Variants in DDX21 observed in about 807,000 individuals in gnomAD.
The protein encoded by DDX21 is DExD-box helicase 21.
In DDX21, 18 loss-of-function variants were observed where a neutral mutation model predicts 90.0. The observed-to-expected ratio is 0.20, with a 90% confidence interval of 0.14 to 0.30. DDX21 has a LOEUF of 0.30. Among genes scored for constraint, DDX21 ranks in the 10% least tolerant of loss-of-function variants. The pLI is 1.00. For synonymous variants in DDX21, 294 were observed against 318.0 expected (o/e 0.92, Z 0.80); for missense variants, 673 against 944.5 (o/e 0.71, Z 3.77).
chr10:68,963,465 C>T lies in DDX21; in HGVS notation c.782C>T (p.Pro261Leu), dbSNP rs1842899234. 5 of 1,609,890 alleles carry T rather than the reference C, an allele frequency of 3.1e-6. No homozygotes were observed. The highest frequency in any genetic ancestry group is 4.2e-6 in the Non-Finnish European group (5 of 1,178,012). ...CAAGACAGGAAGAGAGGCCGTGCCC[C>T]TCAGGTAACTGTCTTAAATACAAGG... ...ELQDRKRGRA[P>L]QVLVLAPTRE... The change falls in exon 4 of 15, where the codon CCT (proline) becomes CTT (leucine). Residue 261 changes from proline to leucine, a missense_variant. Pro to Leu is a moderately conservative substitution (Grantham distance 98, BLOSUM62 -3). Transcript: ENST00000354185.
At chr10:68,956,473 GC>G (rs1398512675) in intron 1 of DDX21, 161 bp downstream of exon 1, 2 of 1,452,960 alleles carry the variant, frequency 1.4e-6, no homozygotes, top group East Asian at 5.1e-5. Context: ...GGAGTGGTGC[GC>G]TCCCCGGGCA....
At chr10:68,965,901 T>TTC (rs1554840449) in intron 5 of DDX21, among the ~76,000 whole-genome samples, 1 of 151,932 alleles carries the variant, frequency 6.6e-6, no homozygotes, top group African/African-American at 2.4e-5. Flanking sequence ...GGCCAAATGT[T>TTC]AGTCTCTACT....
intron 1 of DDX21, chr10:68,956,673 G>T (rs1842800589): frequency 1.8e-6 from 2 of 1,087,560 alleles, no homozygotes; most frequent in African/African-American, 3.3e-5. Context: ...TGGACCTTCA[G>T]TCAGGCTCCA....
intron 6 of DDX21, among the ~76,000 whole-genome samples, chr10:68,967,658 A>G (rs543567382): frequency 3.2e-4 from 49 of 152,160 alleles, no homozygotes; most frequent in African/African-American, 1.1e-3. Context: ...GAAAAATACC[A>G]TCTTCTGTCA....
chr10:68,982,482 C>A, intron 14 of DDX21, 61 bp from the exon 15 acceptor site: 1 of 1,545,414 alleles, frequency 6.5e-7, no homozygotes, highest in Non-Finnish European at 8.7e-7. Context: ...TTGTTTTTCT[C>A]ATGCTTTTTA....
At chr10:68,977,818 C>A in intron 12 of DDX21, 130 bp downstream of exon 12, 1 of 1,030,256 alleles carries the variant, frequency 9.7e-7, no homozygotes, top group Non-Finnish European at 1.3e-6. Flanking sequence ...TTGTATTTTA[C>A]AATTTCTGGC....
intron 7 of DDX21, 66 bp downstream of exon 7, chr10:68,969,187 A>T: frequency 2.8e-6 from 4 of 1,421,664 alleles, no homozygotes; most frequent in Non-Finnish European, 3.8e-6. Context: ...TGTTAGTATT[A>T]AGACTGGCAA....
intron 11 of DDX21, among the ~76,000 whole-genome samples, chr10:68,976,968 G>A (rs374862837): frequency 3.3e-5 from 5 of 151,380 alleles, no homozygotes; most frequent in South Asian, 2.1e-4. Flanking sequence ...TTAAAGAGAC[G>A]GAGTTTCTTA....
intron 2 of DDX21, among the ~76,000 whole-genome samples, chr10:68,960,921 T>G (rs1210546569): frequency 2.0e-5 from 3 of 152,136 alleles, no homozygotes; most frequent in African/African-American, 7.2e-5. Flanking sequence ...GGCCCTAGTT[T>G]CCCTCTGAGG....
At chr10:68,965,256 C>A in intron 4 of DDX21, 121 bp from the exon 5 acceptor site, 1 of 653,836 alleles carries the variant, frequency 1.5e-6, no homozygotes, top group Non-Finnish European at 2.6e-6. Context: ...ATAATGTTAT[C>A]GTCATCATCA....
chr10:68,971,879 A>G lies in DDX21; in HGVS notation c.1387-12A>G, dbSNP rs1486258521. 1 of 1,611,892 alleles carries G rather than the reference A, an allele frequency of 6.2e-7. No homozygotes were observed. Among genetic ancestry groups the G allele is most frequent in the Non-Finnish European group, 8.5e-7 (1 of 1,178,306 alleles). ...GGAACTGGTGTTCTTACATCCGTTT[A>G]TTTATTGGCAGGATGCTCAGTCCTT... On this transcript the variant is annotated splice_polypyrimidine_tract_variant and intron_variant, in intron 8 of 14. Coordinates refer to ENST00000354185, the MANE Select transcript of DDX21 (RefSeq NM_004728.4).
intron 9 of DDX21, 61 bp downstream of exon 9, chr10:68,972,113 G>A: frequency 1.3e-5 from 20 of 1,537,988 alleles, no homozygotes; most frequent in Non-Finnish European, 1.8e-5. Context: ...AAAACAAATT[G>A]GAAATTGTAT....
At position 68,960,297 on chromosome 10, in the gene DDX21, A is replaced by G. The variant is rs753125949; in HGVS notation, c.531+48A>G. On this transcript the variant is annotated intron_variant, in intron 2 of 14. Transcript: ENST00000354185. Reference sequence around the variant, plus strand: ...AGAAGATATCTTTCATTGTTGTTTCAGATAAATAAGTAGGTAACTGCTATA... The same window carrying G: ...AGAAGATATCTTTCATTGTTGTTTCGGATAAATAAGTAGGTAACTGCTATA... 6 of 1,530,104 alleles carry G rather than the reference A, an allele frequency of 3.9e-6. No homozygotes were observed. In the South Asian group the frequency reaches 7.8e-5, roughly 20 times the overall value. 94.8% of individuals were successfully genotyped at this position (1,530,104 alleles called of 1,614,324 possible). A position where few individuals can be genotyped will look rare whatever the true frequency, so the allele number is the denominator to read the frequency against.
chr10:68,981,214 T>A (rs891444904), intron 13 of DDX21, among the ~76,000 whole-genome samples: 16 of 152,220 alleles, frequency 1.1e-4, no homozygotes, highest in African/African-American at 3.6e-4. Flanking sequence ...TCAGCTAACC[T>A]TTCCAAGCCT....
At chr10:68,961,465 A>G (rs772318123) in intron 2 of DDX21, among the ~76,000 whole-genome samples, 3 of 152,186 alleles carry the variant, frequency 2.0e-5, no homozygotes, top group Non-Finnish European at 2.9e-5. Flanking sequence ...TCCTTGTAGT[A>G]CTTTTAGTAT....
chr10:68,977,405 A>G (rs1415376755), intron 11 of DDX21, 124 bp from the exon 12 acceptor site: 1 of 892,914 alleles, frequency 1.1e-6, no homozygotes, highest in African/African-American at 1.7e-5. Context: ...TATATACTGC[A>G]TCAAAAATAA....
chr10:68,968,889 G>A, intron 6 of DDX21, 87 bp from the exon 7 acceptor site: 4 of 1,467,864 alleles, frequency 2.7e-6, no homozygotes, highest in Non-Finnish European at 3.7e-6. Context: ...GAACATTGAT[G>A]GACTGTGGAA....
At chr10:68,964,078 G>A (rs537672929) in intron 4 of DDX21, 22 of 372,864 alleles carry the variant, frequency 5.9e-5, no homozygotes, top group East Asian at 5.3e-4. Context: ...CAGCCTGGGC[G>A]ATAGAGCAAG....
intron 6 of DDX21, among the ~76,000 whole-genome samples, chr10:68,968,655 A>G (rs1433632915): frequency 6.6e-6 from 1 of 152,264 alleles, no homozygotes; most frequent in Non-Finnish European, 1.5e-5. Context: ...ATGATTGGAC[A>G]AGAATTCTAA....
Sources: gnomAD v4.1 joint callset for allele counts (sites outside exome capture counted in the v4.1 genomes callset) on GRCh38, gnomAD v4.1.1 for gene constraint, MANE v1.5 for transcripts, NCBI Gene and HGNC (gene_info 2026-07-23, HGNC 2026-07-21) for gene names.